Variants in TFDP2 observed in about 807,000 individuals in gnomAD.
The protein encoded by TFDP2 is transcription factor Dp-2 (E2F dimerization partner 2).
Under a neutral mutation model 59.3 loss-of-function variants are expected in TFDP2, and 17 were observed. The ratio of observed to expected loss-of-function variants is 0.29; its 90% confidence interval spans 0.20 to 0.43. The LOEUF is 0.43. TFDP2 is among the 20% of genes least tolerant of loss of function. TFDP2 has a pLI of 1.00. For missense variants in TFDP2, 391 were observed against 528.8 expected (o/e 0.74, Z 2.56); for synonymous variants, 180 against 194.7 (o/e 0.92, Z 0.63).
In TFDP2 at chr3:141,973,120, TATA is replaced by T. The variant is rs1289051791; in HGVS notation, c.663+925_663+927del. ...ATATATATATATATATATATATATA[TATA>T]TTTTTTTTTTTTAAAGATGGAGTCT... On this transcript the variant is annotated intron_variant, in intron 8 of 12. Transcript: ENST00000489671. 5.0e-3 allele frequency among the ~76,000 whole-genome samples: 436 copies of T among 86,968 alleles called. 3 individuals carry two copies. Among genetic ancestry groups the T allele is most frequent in the African/African-American group, 0.019 (371 of 20,002 alleles). The allele number at this position is 86,968 out of a possible 152,430, so 57.1% of individuals were successfully genotyped here.
chr3:142,106,274 A>G (rs1301619089), intron 1 of TFDP2, among the ~76,000 whole-genome samples: 1 of 152,228 alleles, frequency 6.6e-6, no homozygotes, highest in Non-Finnish European at 1.5e-5. Context: ...CCAAACGTTC[A>G]AATGTAATTT....
chr3:142,003,724 C>T (rs1439369047), intron 4 of TFDP2, among the ~76,000 whole-genome samples: 1 of 152,186 alleles, frequency 6.6e-6, no homozygotes, highest in Non-Finnish European at 1.5e-5. Context: ...CAAATCGCCT[C>T]TCCTTCTTGT....
chr3:142,144,385 G>C (rs191364337), intron 1 of TFDP2, among the ~76,000 whole-genome samples: 1 of 151,536 alleles, frequency 6.6e-6, no homozygotes, highest in African/African-American at 2.4e-5. Context: ...AAAAAAAAGC[G>C]GGGCAGCAGG....
chr3:142,142,990 C>T (rs1213597326), intron 1 of TFDP2, among the ~76,000 whole-genome samples: 2 of 152,222 alleles, frequency 1.3e-5, no homozygotes, highest in African/African-American at 2.4e-5. Context: ...AATCCCAGCA[C>T]TTTGGGAGGC....
At chr3:142,088,851 G>A (rs544184948) in intron 3 of TFDP2, among the ~76,000 whole-genome samples, 3 of 143,876 alleles carry the variant, frequency 2.1e-5, no homozygotes, top group East Asian at 4.1e-4. Context: ...TTTTTTTGAC[G>A]GAGTCTTGCT....
At chr3:142,148,533 C>T (rs1486473924) in intron 1 of TFDP2, among the ~76,000 whole-genome samples, 3 of 151,488 alleles carry the variant, frequency 2.0e-5, no homozygotes, top group South Asian at 4.2e-4. Flanking sequence ...ATCTAATTTA[C>T]AGATGAAGAA....
At chr3:142,058,183 T>G (rs546443399) in intron 3 of TFDP2, among the ~76,000 whole-genome samples, 17 of 152,240 alleles carry the variant, frequency 1.1e-4, no homozygotes, top group Non-Finnish European at 2.2e-4. Flanking sequence ...CATTTAAAAA[T>G]TACCTTGATA....
intron 3 of TFDP2, among the ~76,000 whole-genome samples, chr3:142,057,406 G>A (rs2059781888): frequency 6.6e-6 from 1 of 152,204 alleles, no homozygotes; most frequent in Non-Finnish European, 1.5e-5. Context: ...TCTTGGATTA[G>A]CTCTGGTTCT....
At chr3:142,134,052 A>AT (rs1230239400) in intron 1 of TFDP2, among the ~76,000 whole-genome samples, 2 of 149,558 alleles carry the variant, frequency 1.3e-5, no homozygotes. Context: ...AAAAAAAAAA[A>AT]GAAGAAGAAG....
chr3:141,959,869 T>C, intron 10 of TFDP2, 29 bp from the exon 11 acceptor site: 4 of 1,612,424 alleles, frequency 2.5e-6, no homozygotes, highest in Non-Finnish European at 2.5e-6. Flanking sequence ...TAAAGGGTTT[T>C]TGGTGGTGCT....
At chr3:142,021,233 G>A (rs1945575164) in intron 3 of TFDP2, among the ~76,000 whole-genome samples, 2 of 152,132 alleles carry the variant, frequency 1.3e-5, no homozygotes, top group African/African-American at 4.8e-5. Context: ...AAAGTATAAT[G>A]GTTAAAGTGA....
chr3:142,016,734 A>T (rs773030039), intron 3 of TFDP2, among the ~76,000 whole-genome samples: 1 of 152,206 alleles, frequency 6.6e-6, no homozygotes, highest in South Asian at 2.1e-4. Context: ...TTGCAATTAC[A>T]TAAGTGGATT....
intron 6 of TFDP2, among the ~76,000 whole-genome samples, chr3:141,989,726 T>C (rs1232981980): frequency 6.6e-6 from 1 of 152,168 alleles, no homozygotes; most frequent in Non-Finnish European, 1.5e-5. Context: ...TAGGGTACAA[T>C]GGCTACCATT....
At chr3:141,958,643 G>A (rs1372599364) in intron 11 of TFDP2, among the ~76,000 whole-genome samples, 3 of 152,126 alleles carry the variant, frequency 2.0e-5, no homozygotes, top group Non-Finnish European at 4.4e-5. Context: ...ACTGTACTGT[G>A]ACCCTTCAGA....
intron 3 of TFDP2, among the ~76,000 whole-genome samples, chr3:142,044,982 T>C (rs1424502476): frequency 6.6e-6 from 1 of 152,202 alleles, no homozygotes. Flanking sequence ...GTTGGTTTCC[T>C]TCTATGGCAA....
Position 142,133,066 on chromosome 3 carries a change from C to T in TFDP2, c.-93+16117G>A, listed in dbSNP as rs78145607. 2.1e-3 allele frequency among the ~76,000 whole-genome samples: 315 copies of T among 150,062 alleles called. 29 individuals carry two copies. The highest frequency in any genetic ancestry group is 7.5e-3 in the African/African-American group (298 of 39,676). ...GTACTAAAACAGAAAAACTACAAAA[C>T]GAGACTAGACTTACCAGACATTAAA... On this transcript the variant is annotated intron_variant, in intron 1 of 12. Transcript: ENST00000489671.
At chr3:142,117,745 T>A (rs1043528754) in intron 1 of TFDP2, among the ~76,000 whole-genome samples, 34 of 151,972 alleles carry the variant, frequency 2.2e-4, no homozygotes, top group African/African-American at 8.2e-4. Context: ...GGTATACATA[T>A]ATAAAGAAGC....
At chr3:142,057,973 G>C (rs2059796842) in intron 3 of TFDP2, among the ~76,000 whole-genome samples, 1 of 152,156 alleles carries the variant, frequency 6.6e-6, no homozygotes, top group Non-Finnish European at 1.5e-5. Flanking sequence ...CTATGGTCCA[G>C]ATATACCAGA....
chr3:142,080,766 G>A (rs1213353490), intron 3 of TFDP2, among the ~76,000 whole-genome samples: 2 of 152,116 alleles, frequency 1.3e-5, no homozygotes, highest in Admixed American at 6.5e-5. Context: ...ACATAAAGGG[G>A]TCAATTCAGC....
Sources: allele counts gnomAD v4.1 joint callset (sites outside exome capture counted in the v4.1 genomes callset), GRCh38; gene constraint gnomAD v4.1.1; transcripts MANE v1.5; gene names NCBI Gene and HGNC (gene_info 2026-07-23, HGNC 2026-07-21).